Variants in TNS1 observed in about 807,000 individuals in gnomAD.
The protein encoded by TNS1 is tensin 1, also known as tensin-1.
Under a neutral mutation model 168.6 loss-of-function variants are expected in TNS1, and 62 were observed. The observed-to-expected ratio is 0.37, with a 90% CI of 0.30 to 0.45. The LOEUF (loss-of-function observed/expected upper bound fraction) is 0.45. Among genes scored for constraint, TNS1 ranks in the 20% least tolerant of loss-of-function variants. The pLI is 1.00. For missense variants in TNS1, 2,240 were observed against 2,339.4 expected (o/e 0.96, Z 0.88); for synonymous variants, 934 against 933.2 (o/e 1.00, Z -0.02).
intron 18 of TNS1, chr2:217,879,364 C>G (rs1041941042): frequency 2.3e-6 from 1 of 430,238 alleles, no homozygotes; most frequent in Non-Finnish European, 4.6e-6. Context: ...AGGCTGGCAG[C>G]CACTGAAACC....
At chr2:217,805,644 TCACAC>T (rs1559133061) in intron 32 of TNS1, among the ~76,000 whole-genome samples, 1 of 6,152 alleles carries the variant, frequency 1.6e-4, no homozygotes, top group Admixed American at 2.1e-3. Context: ...CCCACACACA[TCACAC>T]ACACACAACA....
chr2:218,021,476 G>A lies in TNS1; in HGVS notation c.156+12344C>T, dbSNP rs115711755. ...CCCATAGCCTAGAGCGAGTAGAGCA[G>A]GCTCATCACTCAATCTACAACGCAA... On this transcript the variant is annotated intron_variant, in intron 1 of 1. Transcript: ENST00000649572. Among the ~76,000 whole-genome samples the A allele has an allele frequency of 2.5e-4, 38 of 152,338 alleles. 1 individual carries two copies. The highest frequency in any genetic ancestry group is 9.1e-4 in the African/African-American group (38 of 41,578).
At chr2:217,917,362 T>C (rs141241750) in intron 4 of TNS1, among the ~76,000 whole-genome samples, 26 of 152,088 alleles carry the variant, frequency 1.7e-4, no homozygotes, top group African/African-American at 6.0e-4. Context: ...CCGAACAAAA[T>C]AGATAAAAAT....
At chr2:217,850,924 A>G (rs1947400796) in intron 18 of TNS1, among the ~76,000 whole-genome samples, 2 of 152,156 alleles carry the variant, frequency 1.3e-5, no homozygotes, top group South Asian at 4.1e-4. Context: ...CAGGCACTCT[A>G]CACGCACATC....
At chr2:217,818,863 A>G in intron 23 of TNS1, 104 bp from the exon 24 acceptor site, 1 of 907,950 alleles carries the variant, frequency 1.1e-6, no homozygotes, top group Non-Finnish European at 1.7e-6. Context: ...AACAGTAAGA[A>G]TGGTCCCACT....
rs1574761826 is a variant in TNS1, at chr2:217,843,401, T to G, written c.3007+4109A>C. Among the ~76,000 whole-genome samples, 3 of 151,838 alleles carry G rather than the reference T, an allele frequency of 2.0e-5. No homozygotes were observed. In the East Asian group the frequency reaches 5.8e-4, roughly 29 times the overall value. On this transcript the variant is annotated intron_variant, in intron 19 of 32. Coordinates refer to ENST00000682258, the MANE Select transcript of TNS1 (RefSeq NM_001387777.1). ...TCCCCTCCTCTTCTACATACAAACA[T>G]TCTCATGACTCTTATATTTACAAAA...
chr2:217,886,886 C>T (rs562399864), intron 12 of TNS1, among the ~76,000 whole-genome samples: 156 of 152,230 alleles, frequency 1.0e-3, no homozygotes, highest in Admixed American at 7.8e-4. Flanking sequence ...GTCAAGCATC[C>T]CACTTGGAGT....
chr2:217,904,431 C>T (rs562384543), intron 6 of TNS1, among the ~76,000 whole-genome samples: 48 of 152,282 alleles, frequency 3.2e-4, no homozygotes, highest in African/African-American at 1.1e-3. Flanking sequence ...GGCTCAATGA[C>T]CCTGGAGCCA....
intron 2 of TNS1, chr2:217,987,057 G>C (rs1958213429): frequency 6.6e-6 from 1 of 152,224 alleles, no homozygotes; most frequent in African/African-American, 2.4e-5. Context: ...GTTAATCATA[G>C]ATGAGGAAAC....
Position 217,894,997 on chromosome 2 carries a change from C to T in TNS1, c.594+9G>A, listed in dbSNP as rs762791319. The stretch of plus-strand genomic sequence containing the variant: ...CTCCTCCCCTACCCCAAAACAGCCC[C>T]TGGCTCACCTTGGCATGGAGCTTCG... On this transcript the variant is annotated intron_variant, in intron 9 of 32. Transcript: ENST00000682258. 9 of 1,612,752 alleles carry T rather than the reference C, an allele frequency of 5.6e-6. No individual in the cohort carries two copies. The East Asian group carries it at 8.9e-5, about 16-fold the overall frequency.
At chr2:217,838,855 T>C (rs992418482) in intron 19 of TNS1, among the ~76,000 whole-genome samples, 4 of 152,144 alleles carry the variant, frequency 2.6e-5, no homozygotes, top group Non-Finnish European at 5.9e-5. Flanking sequence ...ACCAGTGTCA[T>C]GGAGAGAACA....
At chr2:217,900,394 T>G in intron 7 of TNS1, 69 bp downstream of exon 7, 1 of 1,509,540 alleles carries the variant, frequency 6.6e-7, no homozygotes, top group Non-Finnish European at 8.9e-7. Flanking sequence ...GAGGCAAGAC[T>G]TAACAGGGAC....
At chr2:217,809,725 G>A (rs1940467257) in intron 30 of TNS1, 98 bp downstream of exon 30, 1 of 1,289,486 alleles carries the variant, frequency 7.8e-7, no homozygotes, top group Non-Finnish European at 1.1e-6. Flanking sequence ...GCAGTTGGGT[G>A]CAAGGAATCA....
intron 19 of TNS1, among the ~76,000 whole-genome samples, chr2:217,839,008 C>A (rs1205962065): frequency 6.7e-6 from 1 of 149,370 alleles, no homozygotes; most frequent in Non-Finnish European, 1.5e-5. Flanking sequence ...GTCTCCTACA[C>A]CCACCTAGGC....
intron 28 of TNS1, among the ~76,000 whole-genome samples, chr2:217,810,791 A>G (rs557328083): frequency 5.3e-5 from 8 of 152,342 alleles, no homozygotes; most frequent in South Asian, 4.1e-4. Context: ...TTCAATATTA[A>G]TAAGAATTGA....
At chr2:217,967,429 G>C (rs1032783759) in intron 3 of TNS1, among the ~76,000 whole-genome samples, 3 of 152,126 alleles carry the variant, frequency 2.0e-5, no homozygotes, top group African/African-American at 7.2e-5. Flanking sequence ...CAAAACTTCA[G>C]CTAGATTGAT....
rs538611034 is a variant in TNS1 at position 217,906,332 on chromosome 2, C to T, written c.321+3G>A. On this transcript the variant is annotated splice_donor_region_variant and intron_variant, in intron 6 of 32. Transcript: ENST00000682258. ...CATCCTTCTTCTCCCCATCCACACT[C>T]ACGTTGTCCTCGAGGCTTTTCCGTG... 2.6e-5 allele frequency: 18 copies of T among 683,968 alleles called. No homozygotes were observed. Among genetic ancestry groups the T allele is most frequent in the African/African-American group, 1.8e-4 (10 of 56,640 alleles). 42.4% of individuals were successfully genotyped at this position (683,968 alleles called of 1,614,324 possible).
Position 217,821,748 on chromosome 2 carries a change from A to G in TNS1, c.3564T>C (p.Ser1188=). 1.4e-6 allele frequency: 2 copies of G among 1,474,870 alleles called. No individual in the cohort carries two copies. The highest frequency in any genetic ancestry group is 1.8e-6 in the Non-Finnish European group (2 of 1,115,792). 91.4% of individuals were successfully genotyped at this position (1,474,870 alleles called of 1,614,324 possible). Residue 1188 remains serine (S), a synonymous_variant, in exon 23 of 33, where the codon AGT becomes AGC. Coordinates refer to ENST00000682258, the MANE Select transcript of TNS1 (RefSeq NM_001387777.1). ...SPLSTSSPIL[S]ADSTSVGSFP... ...GCCCCTTCCCGGCTTACCTGTCAGCACTGAGGATGGGGCTGCTGGTGGAGA... is the reference window on the plus strand; with the variant it reads ...GCCCCTTCCCGGCTTACCTGTCAGCGCTGAGGATGGGGCTGCTGGTGGAGA...
chr2:218,005,841 A>G (rs1195519294), upstream of TNS1, among the ~76,000 whole-genome samples: 1 of 152,134 alleles, frequency 6.6e-6, no homozygotes, highest in Non-Finnish European at 1.5e-5. Context: ...ACTTTTGCCC[A>G]CAATTTCAGT....
Sources: allele counts gnomAD v4.1 joint callset (sites outside exome capture counted in the v4.1 genomes callset), GRCh38; gene constraint gnomAD v4.1.1; transcripts MANE v1.5; gene names NCBI Gene and HGNC (gene_info 2026-07-23, HGNC 2026-07-21).